Variants in EIF3K observed in about 807,000 individuals in gnomAD.
EIF3K encodes the protein eIF-3 p28.
In EIF3K, 27 loss-of-function variants were observed where a neutral mutation model predicts 34.2. That is an observed-to-expected ratio of 0.79 (90% CI 0.58 to 1.09). EIF3K has a LOEUF of 1.09. EIF3K is among the 50% of genes least tolerant of loss of function. EIF3K has a pLI of 0.00. For synonymous variants in EIF3K, 105 were observed against 105.7 expected, an observed-to-expected ratio of 0.99 and a Z score of 0.04; for missense variants, 232 against 275.4, an observed-to-expected ratio of 0.84 and a Z score of 1.11.
chr19:38,619,422 C>T (rs1402173990), intron 1 of EIF3K, 95 bp downstream of exon 1: 13 of 1,423,738 alleles, frequency 9.1e-6, no homozygotes, highest in Non-Finnish European at 1.2e-5. Context: ...CTGGGCTTGC[C>T]GCGGGGTGGG....
chr19:38,619,368 C>T (rs1050067345), intron 1 of EIF3K, 41 bp downstream of exon 1: 1 of 1,609,664 alleles, frequency 6.2e-7, no homozygotes, highest in South Asian at 1.1e-5. Flanking sequence ...CCAAGCGGGG[C>T]GGAGGAGAGG....
At chr19:38,625,057 C>A (rs1352373380) in intron 3 of EIF3K, among the ~76,000 whole-genome samples, 1 of 152,052 alleles carries the variant, frequency 6.6e-6, no homozygotes, top group Non-Finnish European at 1.5e-5. Flanking sequence ...AGAGGACACT[C>A]ATGGGCTAAA....
intron 4 of EIF3K, among the ~76,000 whole-genome samples, chr19:38,627,493 T>C (rs765376076): frequency 6.6e-6 from 1 of 151,856 alleles, no homozygotes; most frequent in Non-Finnish European, 1.5e-5. Context: ...GGAGAAATAC[T>C]GTCTTAACTA....
chr19:38,634,348 C>T (rs1976140680), intron 6 of EIF3K, among the ~76,000 whole-genome samples: 1 of 149,648 alleles, frequency 6.7e-6, no homozygotes, highest in Admixed American at 6.7e-5. Context: ...CCTGTAATCC[C>T]AGCACTTTGG....
intron 2 of EIF3K, among the ~76,000 whole-genome samples, chr19:38,621,560 C>G (rs1222287705): frequency 6.6e-6 from 1 of 152,224 alleles, no homozygotes; most frequent in African/African-American, 2.4e-5. Flanking sequence ...TCTTTGCCCC[C>G]TATGCTCTAT....
chr19:38,625,602 C>T (rs1363561779), intron 3 of EIF3K, among the ~76,000 whole-genome samples: 3 of 151,900 alleles, frequency 2.0e-5, no homozygotes, highest in African/African-American at 2.4e-5. Flanking sequence ...CTCCTCCTCC[C>T]GGGTTCAAGT....
chr19:38,625,527 T>TTTTTTTTTTTTA (rs1975931571), intron 3 of EIF3K, among the ~76,000 whole-genome samples: 2 of 151,830 alleles, frequency 1.3e-5, no homozygotes, highest in Non-Finnish European at 1.5e-5. Flanking sequence ...TCTTTTTTTT[T>TTTTTTTTTTTTA]GAGATGGAGT....
In EIF3K at chr19:38,634,841, AAGG is replaced by A. The variant is rs1182248687; in HGVS notation, c.500-149_500-147del. ...CCCGTGGAAGGGCAGGGGCGGAAGC[AAGG>A]AGACCAGGCCAGCTGCTGCTGTCCA... On this transcript the variant is annotated intron_variant, in intron 6 of 7. Coordinates refer to ENST00000248342, the MANE Select transcript of EIF3K (RefSeq NM_013234.4). The A allele has an allele frequency of 7.0e-6, 8 of 1,135,690 alleles. No individual in the cohort carries two copies. The East Asian group carries it at 1.0e-4, about 15-fold the overall frequency. 70.4% of individuals were successfully genotyped at this position (1,135,690 alleles called of 1,614,324 possible).
At chr19:38,629,070 T>C (rs1260504070) in intron 4 of EIF3K, among the ~76,000 whole-genome samples, 1 of 152,208 alleles carries the variant, frequency 6.6e-6, no homozygotes, top group Non-Finnish European at 1.5e-5. Flanking sequence ...TTTTTTTTAA[T>C]TCTTAAACAT....
chr19:38,623,271 A>G (rs1207496525), intron 2 of EIF3K, among the ~76,000 whole-genome samples: 1 of 152,250 alleles, frequency 6.6e-6, no homozygotes, highest in Non-Finnish European at 1.5e-5. Flanking sequence ...TCATGGCTTC[A>G]GCCGGTCCCT....
chr19:38,623,835 T>C (rs951374997), intron 2 of EIF3K, among the ~76,000 whole-genome samples: 1 of 152,224 alleles, frequency 6.6e-6, no homozygotes, highest in Non-Finnish European at 1.5e-5. Context: ...CTCATTTGTT[T>C]ATAAATCACT....
chr19:38,626,006 C>T, intron 3 of EIF3K, 22 bp from the exon 4 acceptor site: 1 of 1,613,980 alleles, frequency 6.2e-7, no homozygotes. Flanking sequence ...GGCCAGTTTT[C>T]CTTAATGCTT....
At chr19:38,630,031 G>A (rs1391462680) in intron 4 of EIF3K, among the ~76,000 whole-genome samples, 1 of 152,136 alleles carries the variant, frequency 6.6e-6, no homozygotes, top group African/African-American at 2.4e-5. Context: ...TCACCTCCAG[G>A]ATTTTTGGAA....
At position 38,621,903 on chromosome 19, in the gene EIF3K, C is replaced by CTTTTTTTTTT. The variant is rs914363057; in HGVS notation, c.158+1481_158+1490dup. Among the ~76,000 whole-genome samples the CTTTTTTTTTT allele has an allele frequency of 7.2e-5, 8 of 111,478 alleles. 1 individual carries two copies. In the South Asian group the frequency reaches 2.4e-3, roughly 33 times the overall value. 73.1% of individuals were successfully genotyped at this position (111,478 alleles called of 152,430 possible). ...ATGGACATTGTGGGTTCTTCGTGCC[C>CTTTTTTTTTT]TTTTTTTTTTTTTTTTTTTTTTGGA... On this transcript the variant is annotated intron_variant, in intron 2 of 7. Transcript: ENST00000248342.
chr19:38,626,841 C>CCATTT (rs1241985623), intron 4 of EIF3K, among the ~76,000 whole-genome samples: 2 of 152,072 alleles, frequency 1.3e-5, no homozygotes, highest in African/African-American at 4.8e-5. Context: ...GAGTCTCACG[C>CCATTT]CATTGCCTAG....
At chr19:38,628,751 G>A (rs1480430496) in intron 4 of EIF3K, among the ~76,000 whole-genome samples, 2 of 152,060 alleles carry the variant, frequency 1.3e-5, no homozygotes, top group Non-Finnish European at 2.9e-5. Flanking sequence ...TTGAACCTGG[G>A]AGGCGGAGAT....
chr19:38,623,997 T>C (rs1975896112), intron 2 of EIF3K, 80 bp from the exon 3 acceptor site: 2 of 1,599,738 alleles, frequency 1.3e-6, no homozygotes, highest in East Asian at 2.2e-5. Context: ...AACTCCAGAA[T>C]AAAGCAGCTG....
intron 6 of EIF3K, among the ~76,000 whole-genome samples, chr19:38,634,290 G>A (rs1172826518): frequency 3.1e-5 from 4 of 130,712 alleles, no homozygotes; most frequent in Middle Eastern, 4.1e-3. Flanking sequence ...TTTTTTAGCA[G>A]AGATGGGGTT....
chr19:38,625,956 G>A, intron 3 of EIF3K, 72 bp from the exon 4 acceptor site: 4 of 1,379,088 alleles, frequency 2.9e-6, no homozygotes, highest in Middle Eastern at 1.8e-4. Flanking sequence ...GAAGAAGGTA[G>A]GTGGGGAGGG....
Sources: allele counts gnomAD v4.1 joint callset (sites outside exome capture counted in the v4.1 genomes callset), GRCh38; gene constraint gnomAD v4.1.1; transcripts MANE v1.5; gene names NCBI Gene and HGNC (gene_info 2026-07-23, HGNC 2026-07-21).